Variants in SEMA3A observed in about 807,000 individuals in gnomAD.
The protein encoded by SEMA3A is semaphorin-3A.
Under a neutral mutation model 97.9 loss-of-function variants are expected in SEMA3A, and 29 were observed. The observed-to-expected ratio is 0.30, with a 90% CI of 0.22 to 0.40. SEMA3A has a LOEUF of 0.40. Among genes scored for constraint, SEMA3A ranks in the 10% least tolerant of loss-of-function variants. The pLI, the probability that SEMA3A is intolerant of heterozygous loss-of-function variation, is 1.00. For missense variants in SEMA3A, 763 were observed against 951.3 expected (o/e 0.80, Z 2.60); for synonymous variants, 321 against 323.7 (o/e 0.99, Z 0.09).
chr7:84,280,142 C>T (rs1800404346), intron 3 of SEMA3A, among the ~76,000 whole-genome samples: 3 of 152,170 alleles, frequency 2.0e-5, no homozygotes, highest in South Asian at 2.1e-4. Flanking sequence ...AAGCGATCCT[C>T]CACCCTGGCC....
At chr7:83,968,804 C>CTTTTTTTTTTTTTTTTTT (rs34837012) in intron 15 of SEMA3A, among the ~76,000 whole-genome samples, 1 of 86,984 alleles carries the variant, frequency 1.1e-5, no homozygotes, top group Non-Finnish European at 2.1e-5. Flanking sequence ...CTTTTCTTTC[C>CTTTTTTTTTTTTTTTTTT]TTTTTTTTTT....
chr7:84,217,711 T>C (rs1489952430), intron 3 of SEMA3A, among the ~76,000 whole-genome samples: 1 of 151,912 alleles, frequency 6.6e-6, no homozygotes, highest in African/African-American at 2.4e-5. Context: ...CATTGAACTA[T>C]GATCCTGCCA....
intron 3 of SEMA3A, among the ~76,000 whole-genome samples, chr7:84,300,583 T>C (rs938129234): frequency 2.0e-5 from 3 of 152,084 alleles, no homozygotes; most frequent in Admixed American, 1.3e-4. Flanking sequence ...AATGCTGGAA[T>C]GACTATATGA....
At chr7:84,479,124 A>C (rs1806376615) in intron 1 of SEMA3A, among the ~76,000 whole-genome samples, 2 of 152,200 alleles carry the variant, frequency 1.3e-5, no homozygotes, top group South Asian at 4.1e-4. Flanking sequence ...AGAATAATAA[A>C]GACATTCTAC....
At chr7:84,064,970 T>A (rs1793419658) in intron 4 of SEMA3A, among the ~76,000 whole-genome samples, 1 of 152,214 alleles carries the variant, frequency 6.6e-6, no homozygotes, top group African/African-American at 2.4e-5. Context: ...AATATACATT[T>A]TTTCGGCACC....
chr7:84,403,603 T>C (rs1803971987), intron 1 of SEMA3A, among the ~76,000 whole-genome samples: 1 of 152,136 alleles, frequency 6.6e-6, no homozygotes. Flanking sequence ...CCTCCTCAAG[T>C]GGGTCCCTGA....
At chr7:84,076,503 T>G (rs1352683265) in intron 4 of SEMA3A, among the ~76,000 whole-genome samples, 1 of 152,106 alleles carries the variant, frequency 6.6e-6, no homozygotes, top group Non-Finnish European at 1.5e-5. Flanking sequence ...TTGATACACT[T>G]CAGACATAAA....
chr7:84,138,173 T>C (rs1292026553), intron 1 of SEMA3A, among the ~76,000 whole-genome samples: 1 of 152,198 alleles, frequency 6.6e-6, no homozygotes, highest in Non-Finnish European at 1.5e-5. Context: ...TGACCAGATG[T>C]AGCAAATTAC....
intron 1 of SEMA3A, among the ~76,000 whole-genome samples, chr7:84,186,905 T>C (rs1262755909): frequency 6.6e-6 from 1 of 152,150 alleles, no homozygotes; most frequent in Non-Finnish European, 1.5e-5. Context: ...GAATTCAACA[T>C]ATATTTTTCA....
intron 4 of SEMA3A, among the ~76,000 whole-genome samples, chr7:84,084,535 G>GA (rs11422473): frequency 0.38 from 57,497 of 149,788 alleles, 12,872 homozygotes; most frequent in African/African-American, 0.64. Flanking sequence ...GAGAATAAAT[G>GA]AAAAAAAAAT....
chr7:84,391,917 G>A (rs918768172), intron 1 of SEMA3A, among the ~76,000 whole-genome samples: 7 of 150,026 alleles, frequency 4.7e-5, no homozygotes, highest in Admixed American at 6.7e-5. Flanking sequence ...CCATGATAGT[G>A]CCAATATACT....
chr7:84,073,470 TTAAA>T (rs1793820826), intron 4 of SEMA3A, among the ~76,000 whole-genome samples: 1 of 152,116 alleles, frequency 6.6e-6, no homozygotes, highest in African/African-American at 2.4e-5. Context: ...CATACATATA[TTAAA>T]AGATGAAGCT....
At chr7:84,478,987 T>C (rs1249601496) in intron 1 of SEMA3A, among the ~76,000 whole-genome samples, 1 of 152,198 alleles carries the variant, frequency 6.6e-6, no homozygotes, top group Non-Finnish European at 1.5e-5. Flanking sequence ...AAATATATAC[T>C]AATGTGCTCC....
chr7:84,359,793 T>A (rs1369932088), intron 2 of SEMA3A, among the ~76,000 whole-genome samples: 1 of 152,148 alleles, frequency 6.6e-6, no homozygotes, highest in Non-Finnish European at 1.5e-5. Flanking sequence ...TGGTAAGCTA[T>A]TAATTATTGC....
rs374567386 is a variant in SEMA3A at position 84,081,676 on chromosome 7, C to A, written c.454-21118G>T. On this transcript the variant is annotated intron_variant, in intron 4 of 16. Transcript: ENST00000265362. ...AGTAATACAAACAATCATAGTCAGT[C>A]TCTAAAAACTATGCAAGCAAATAAA... 7.4e-4 allele frequency among the ~76,000 whole-genome samples: 111 copies of A among 150,814 alleles called. No homozygotes were observed. The Middle Eastern group carries it at 0.021, about 28-fold the overall frequency.
intron 12 of SEMA3A, among the ~76,000 whole-genome samples, chr7:84,001,668 T>C (rs1318931044): frequency 2.4e-5 from 2 of 84,122 alleles, no homozygotes; most frequent in Admixed American, 1.2e-4. Flanking sequence ...AGTTTGTTCA[T>C]TGAGGTAACT....
At chr7:84,206,242 T>G (rs552049043) in intron 3 of SEMA3A, among the ~76,000 whole-genome samples, 1 of 152,118 alleles carries the variant, frequency 6.6e-6, no homozygotes, top group Non-Finnish European at 1.5e-5. Context: ...TTAAAAGCAT[T>G]AAGAAAGAAA....
chr7:84,250,211 T>G (rs1363211687), intron 3 of SEMA3A, among the ~76,000 whole-genome samples: 2 of 152,034 alleles, frequency 1.3e-5, no homozygotes, highest in African/African-American at 2.4e-5. Context: ...TATCACTTTA[T>G]TACTTAGAGA....
intron 4 of SEMA3A, among the ~76,000 whole-genome samples, chr7:84,066,592 T>C (rs1404054991): frequency 6.7e-6 from 1 of 149,654 alleles, no homozygotes; most frequent in Non-Finnish European, 1.5e-5. Flanking sequence ...ACAAAATCAA[T>C]GTACAAAAAT....
Sources: gnomAD v4.1 joint callset for allele counts (sites outside exome capture counted in the v4.1 genomes callset) on GRCh38, gnomAD v4.1.1 for gene constraint, MANE v1.5 for transcripts, NCBI Gene and HGNC (gene_info 2026-07-23, HGNC 2026-07-21) for gene names.